DAB1: variants seen among roughly 807,000 people sequenced by gnomAD.
DAB1 encodes disabled homolog 1.
Under a neutral mutation model 64.6 loss-of-function variants are expected in DAB1, and 15 were observed. That is an observed-to-expected ratio of 0.23 (90% CI 0.16 to 0.36). DAB1 has a LOEUF of 0.36. DAB1 is among the 10% of genes least tolerant of loss of function. The pLI is 1.00. For missense variants in DAB1, 596 were observed against 706.7 expected, an observed-to-expected ratio of 0.84 and a Z score of 1.78; for synonymous variants, 235 against 251.9, an observed-to-expected ratio of 0.93 and a Z score of 0.64.
chr1:58,156,680 T>C (rs971598014), intron 4 of DAB1, among the ~76,000 whole-genome samples: 1 of 151,762 alleles, frequency 6.6e-6, no homozygotes, highest in Admixed American at 6.6e-5. Flanking sequence ...AGGGAAGAAG[T>C]AGGTGAAGGA....
intron 4 of DAB1, among the ~76,000 whole-genome samples, chr1:58,218,647 CAGTGT>C (rs1163778855): frequency 2.0e-5 from 3 of 151,980 alleles, no homozygotes; most frequent in Non-Finnish European, 4.4e-5. Context: ...GGGCTGGTAC[CAGTGT>C]ATTGTCTGGT....
intron 2 of DAB1, among the ~76,000 whole-genome samples, chr1:58,511,007 T>C (rs1163718812): frequency 6.6e-6 from 1 of 152,180 alleles, no homozygotes; most frequent in African/African-American, 2.4e-5. Context: ...CATCCCATGT[T>C]CATGGATTGT....
At chr1:58,055,557 T>C (rs546997337) in intron 5 of DAB1, among the ~76,000 whole-genome samples, 2 of 152,342 alleles carry the variant, frequency 1.3e-5, no homozygotes, top group East Asian at 3.9e-4. Context: ...TATCAGAATG[T>C]AAGCTCCTTG....
At chr1:57,954,682 G>A (rs1241636068) in intron 5 of DAB1, among the ~76,000 whole-genome samples, 2 of 152,290 alleles carry the variant, frequency 1.3e-5, no homozygotes, top group East Asian at 3.9e-4. Flanking sequence ...TTTTTCTATT[G>A]ACTAATACAT....
chr1:58,428,836 G>C (rs1213607637), intron 3 of DAB1, among the ~76,000 whole-genome samples: 1 of 152,106 alleles, frequency 6.6e-6, no homozygotes, highest in Non-Finnish European at 1.5e-5. Context: ...TAGTTAAGTA[G>C]TTATTAGATA....
At chr1:57,561,053 C>T (rs535254368) in intron 7 of DAB1, among the ~76,000 whole-genome samples, 1 of 152,288 alleles carries the variant, frequency 6.6e-6, no homozygotes, top group Admixed American at 6.5e-5. Context: ...TGTGATTGGG[C>T]TCGAGCAGGT....
intron 1 of DAB1, among the ~76,000 whole-genome samples, chr1:57,325,967 C>T (rs1006477792): frequency 1.4e-4 from 21 of 152,246 alleles, no homozygotes; most frequent in South Asian, 8.3e-4. Context: ...TAAGTAATTG[C>T]TTGACTTCTT....
At chr1:57,948,547 G>A (rs776469281) in intron 5 of DAB1, among the ~76,000 whole-genome samples, 3 of 152,180 alleles carry the variant, frequency 2.0e-5, no homozygotes, top group Admixed American at 6.5e-5. Context: ...CAACCAATGC[G>A]TTTTGAGTCT....
intron 7 of DAB1, among the ~76,000 whole-genome samples, chr1:57,456,828 C>A (rs960508853): frequency 6.6e-6 from 1 of 152,056 alleles, no homozygotes; most frequent in African/African-American, 2.4e-5. Context: ...AATTTCCGAC[C>A]TGTATCAACT....
intron 11 of DAB1, among the ~76,000 whole-genome samples, chr1:57,019,364 T>C (rs1646541069): frequency 6.6e-6 from 1 of 152,224 alleles, no homozygotes; most frequent in African/African-American, 2.4e-5. Context: ...TTTTATTTTT[T>C]TTCCACAAGG....
intron 7 of DAB1, among the ~76,000 whole-genome samples, chr1:57,497,673 G>T (rs1644245802): frequency 6.6e-6 from 1 of 152,186 alleles, no homozygotes; most frequent in African/African-American, 2.4e-5. Context: ...AGTAGAAGAT[G>T]AATGTCTCAA....
chr1:57,128,490 G>T, intron 4 of DAB1, among the ~76,000 whole-genome samples: 1 of 152,262 alleles, frequency 6.6e-6, no homozygotes, highest in East Asian at 1.9e-4. Flanking sequence ...CATATCATGT[G>T]CAGTGACTTT....
intron 4 of DAB1, among the ~76,000 whole-genome samples, chr1:57,135,826 T>A (rs1466219760): frequency 1.3e-5 from 2 of 152,186 alleles, no homozygotes; most frequent in Admixed American, 1.3e-4. Flanking sequence ...GGAGGTGTTT[T>A]ATAAGCTGTA....
intron 6 of DAB1, among the ~76,000 whole-genome samples, chr1:57,757,063 C>G (rs188411005): frequency 1.3e-5 from 2 of 152,200 alleles, no homozygotes; most frequent in East Asian, 3.9e-4. Context: ...CAGTGTTTCT[C>G]AAACTTTTAA....
At chr1:58,177,196 G>C (rs1656531422) in intron 4 of DAB1, among the ~76,000 whole-genome samples, 1 of 152,110 alleles carries the variant, frequency 6.6e-6, no homozygotes, top group Non-Finnish European at 1.5e-5. Flanking sequence ...TCAACCTAAA[G>C]TCCTTGGGAA....
intron 2 of DAB1, among the ~76,000 whole-genome samples, chr1:57,261,302 C>A (rs558054825): frequency 1.6e-4 from 24 of 152,202 alleles, no homozygotes; most frequent in African/African-American, 5.8e-4. Flanking sequence ...CCCTATGCAT[C>A]CAACAATGAA....
chr1:58,464,436 T>A (rs529172659), intron 3 of DAB1, among the ~76,000 whole-genome samples: 1 of 152,268 alleles, frequency 6.6e-6, no homozygotes, highest in Admixed American at 6.5e-5. Flanking sequence ...GAGGTTTTTA[T>A]ATTCTAAATG....
intron 5 of DAB1, among the ~76,000 whole-genome samples, chr1:58,064,529 A>G: frequency 6.6e-6 from 1 of 152,130 alleles, no homozygotes; most frequent in East Asian, 1.9e-4. Context: ...AGGACGAAGG[A>G]GGAAGGATTG....
chr1:58,120,450 A>G (rs1283945128), intron 5 of DAB1, among the ~76,000 whole-genome samples: 1 of 152,130 alleles, frequency 6.6e-6, no homozygotes, highest in African/African-American at 2.4e-5. Flanking sequence ...GACCTTATAA[A>G]AAGCTTATTA....
Sources: gnomAD v4.1 joint callset for allele counts (sites outside exome capture counted in the v4.1 genomes callset) on GRCh38, gnomAD v4.1.1 for gene constraint, MANE v1.5 for transcripts, NCBI Gene and HGNC (gene_info 2026-07-23, HGNC 2026-07-21) for gene names.